Variants in LNPK observed in about 807,000 individuals in gnomAD.
LNPK encodes lunapark, ER junction formation factor.
Under a neutral mutation model 55.2 loss-of-function variants are expected in LNPK, and 29 were observed. The ratio of observed to expected loss-of-function variants is 0.53; its 90% CI spans 0.39 to 0.72. The LOEUF is 0.72. Among genes scored for constraint, LNPK ranks in the 30% least tolerant of loss-of-function variants. The pLI, the probability that LNPK is intolerant of heterozygous loss-of-function variation, is 0.00. For missense variants in LNPK, 467 were observed against 494.8 expected (o/e 0.94, Z 0.53); for synonymous variants, 162 against 168.2 (o/e 0.96, Z 0.29).
At chr2:176,001,792 C>T (rs1574914225) in intron 1 of LNPK, among the ~76,000 whole-genome samples, 2 of 152,126 alleles carry the variant, frequency 1.3e-5, no homozygotes, top group East Asian at 1.9e-4. Context: ...CTTTGCCCCA[C>T]CTGTGTCGAG....
chr2:175,957,729 G>C (rs777350209), intron 8 of LNPK, among the ~76,000 whole-genome samples: 3 of 152,204 alleles, frequency 2.0e-5, no homozygotes, highest in Non-Finnish European at 2.9e-5. Context: ...GCAGCCCACA[G>C]ACGATGAGCT....
chr2:175,938,622 A>T, intron 10 of LNPK: 1 of 299,660 alleles, frequency 3.3e-6, no homozygotes, highest in Admixed American at 5.0e-5. Context: ...ATAAACTAAC[A>T]GTTAAATGAA....
At chr2:175,975,174 T>G (rs1686853387) in intron 5 of LNPK, among the ~76,000 whole-genome samples, 1 of 152,148 alleles carries the variant, frequency 6.6e-6, no homozygotes, top group African/African-American at 2.4e-5. Flanking sequence ...TTAACATTTT[T>G]TAAAACTACA....
rs1685196942 is a variant in LNPK at position 175,947,528 on chromosome 2, C to T, written c.658G>A (p.Val220Met). 1.2e-6 allele frequency: 2 copies of T among 1,613,988 alleles called. No individual in the cohort carries two copies. Among genetic ancestry groups the T allele is most frequent in the Non-Finnish European group, 1.7e-6 (2 of 1,179,972 alleles). The change falls in exon 9 of 13, where the codon GTG (valine) becomes ATG (methionine). Residue 220 changes from valine (V) to methionine (M), a missense_variant. Coordinates refer to ENST00000272748, the MANE Select transcript of LNPK (RefSeq NM_030650.3). ...GGGGATCCAAGATGTCTTGGTAACA[C>T]ATTTGATGATAGGGCTGGAGTAACA... ...RTVTPALSSN[V>M]LPRHLGSPAT...
In LNPK at chr2:175,995,804, C is replaced by CTTTTTTTTTT. The variant is rs10674444; in HGVS notation, c.-62-168_-62-159dup. Among the ~76,000 whole-genome samples, 53 of 66,424 alleles carry CTTTTTTTTTT rather than the reference C, an allele frequency of 8.0e-4. 17 individuals carry two copies. The highest frequency in any genetic ancestry group is 5.0e-3 in the East Asian group (8 of 1,602). 43.6% of individuals were successfully genotyped at this position (66,424 alleles called of 152,430 possible). A position where few individuals can be genotyped will look rare whatever the true frequency, so the allele number is the denominator to read the frequency against. ...AGACAGTTATTGGGATAGAGTCTAC[C>CTTTTTTTTTT]TTTTTTTTTTTTTTTTTTTTTTTTT... On this transcript the variant is annotated intron_variant, in intron 1 of 12. Transcript: ENST00000272748.
At chr2:175,934,431 A>T (rs1304561140) in intron 12 of LNPK, among the ~76,000 whole-genome samples, 1 of 152,196 alleles carries the variant, frequency 6.6e-6, no homozygotes, top group East Asian at 1.9e-4. Context: ...AGATGCCATG[A>T]GTTTTATTAT....
intron 9 of LNPK, among the ~76,000 whole-genome samples, chr2:175,940,274 G>A (rs968631419): frequency 6.6e-6 from 1 of 151,770 alleles, no homozygotes; most frequent in Non-Finnish European, 1.5e-5. Context: ...GACAAAGCCA[G>A]AATTCTGAGA....
At position 175,928,071 on chromosome 2, in the gene LNPK, A is replaced by T. The variant is rs879063562; in HGVS notation, c.*1896T>A. 1 of 152,214 alleles carries T rather than the reference A, an allele frequency of 6.6e-6. No homozygotes were observed. The highest frequency in any genetic ancestry group is 1.5e-5 in the Non-Finnish European group (1 of 68,030). 9.4% of individuals were successfully genotyped at this position (152,214 alleles called of 1,614,324 possible). A position where few individuals can be genotyped will look rare whatever the true frequency, so the allele number is the denominator to read the frequency against. ...CAAAAAACCTGATGAAATTATTTTT[A>T]AAAAGTTTATATTCCACAGAGTTTC... On this transcript the variant is annotated 3_prime_UTR_variant, in exon 13 of 13. Transcript: ENST00000272748.
At position 175,927,827 on chromosome 2, in the gene LNPK, A is replaced by G. The variant is rs1208305365; in HGVS notation, c.*2140T>C. On this transcript the variant is annotated 3_prime_UTR_variant, in exon 13 of 13. Coordinates refer to ENST00000272748, the MANE Select transcript of LNPK (RefSeq NM_030650.3). Reference sequence around the variant, plus strand: ...GCTTTTGTATCTAAAAGGATACTATATGGTTACAAACATGTTACCTATCGC... The same window carrying G: ...GCTTTTGTATCTAAAAGGATACTATGTGGTTACAAACATGTTACCTATCGC... 1.3e-5 allele frequency: 2 copies of G among 152,188 alleles called. No individual in the cohort carries two copies. Among genetic ancestry groups the G allele is most frequent in the Non-Finnish European group, 2.9e-5 (2 of 68,016 alleles). 9.4% of individuals were successfully genotyped at this position (152,188 alleles called of 1,614,324 possible). A position where few individuals can be genotyped will look rare whatever the true frequency, so the allele number is the denominator to read the frequency against.
In LNPK at chr2:175,929,000, C is replaced by T. The variant is rs530182414; in HGVS notation, c.*967G>A. ...GTCTGAATAAAAGTACCATAATTTG[C>T]TCTAAGCAGAATCTACAGATTTATT... On this transcript the variant is annotated 3_prime_UTR_variant, in exon 13 of 13. Coordinates refer to ENST00000272748, the MANE Select transcript of LNPK (RefSeq NM_030650.3). 2.2e-6 allele frequency: 1 copy of T among 449,850 alleles called. No individual in the cohort carries two copies. The highest frequency in any genetic ancestry group is 1.6e-4 in the East Asian group (1 of 6,402). The allele number at this position is 449,850 out of a possible 1,614,324, so 27.9% of individuals were successfully genotyped here.
At chr2:175,977,848 C>T (rs1333096771) in intron 5 of LNPK, among the ~76,000 whole-genome samples, 1 of 151,698 alleles carries the variant, frequency 6.6e-6, no homozygotes, top group Admixed American at 6.6e-5. Flanking sequence ...GAGGTTTTTT[C>T]CCCACATAGT....
At chr2:175,969,109 C>A (rs1459662311) in intron 6 of LNPK, among the ~76,000 whole-genome samples, 1 of 151,676 alleles carries the variant, frequency 6.6e-6, no homozygotes, top group African/African-American at 2.4e-5. Context: ...CAAACTAGTT[C>A]GAGTAGCAAA....
intron 12 of LNPK, 52 bp from the exon 13 acceptor site, chr2:175,930,251 T>A (rs1684204579): frequency 1.4e-6 from 2 of 1,433,772 alleles, no homozygotes; most frequent in Non-Finnish European, 1.9e-6. Context: ...TTAAAACTGC[T>A]AAATAAGGCA....
intron 6 of LNPK, among the ~76,000 whole-genome samples, chr2:175,968,320 A>C (rs966226847): frequency 1.2e-4 from 19 of 152,232 alleles, no homozygotes; most frequent in Non-Finnish European, 1.8e-4. Context: ...AGATTCAGAA[A>C]AACACAGATT....
chr2:175,983,023 A>G (rs1006281329), intron 4 of LNPK, among the ~76,000 whole-genome samples: 1 of 152,220 alleles, frequency 6.6e-6, no homozygotes, highest in Non-Finnish European at 1.5e-5. Flanking sequence ...CACTCTCAAA[A>G]GCAATGGAGA....
chr2:175,986,538 T>C (rs1490963148), intron 4 of LNPK, among the ~76,000 whole-genome samples: 6 of 152,094 alleles, frequency 3.9e-5, no homozygotes, highest in Admixed American at 3.3e-4. Flanking sequence ...AGTGTTATTG[T>C]TTCAACAAAT....
At chr2:175,975,673 T>C (rs945033786) in intron 5 of LNPK, among the ~76,000 whole-genome samples, 3 of 152,232 alleles carry the variant, frequency 2.0e-5, no homozygotes, top group Non-Finnish European at 4.4e-5. Flanking sequence ...TATCAAATAC[T>C]AGGTCTTACT....
At chr2:175,980,905 A>C (rs372511797) in intron 4 of LNPK, among the ~76,000 whole-genome samples, 789 of 70,614 alleles carry the variant, frequency 0.011, 2 homozygotes, top group Admixed American at 0.02. Flanking sequence ...AGACTGTCCC[A>C]AAAAAAAAAA....
At position 176,002,186 on chromosome 2, in the gene LNPK, C is replaced by T. The variant is rs745956591; in HGVS notation, c.-89G>A. ...TGCAAGAAGCGGGCGCAGCCCGGCC[C>T]GGGCGTCCACCCCCGCCAGTCTCGG... On this transcript the variant is annotated 5_prime_UTR_variant, in exon 1 of 13. Coordinates refer to ENST00000272748, the MANE Select transcript of LNPK (RefSeq NM_030650.3). 1.6e-4 allele frequency: 70 copies of T among 445,240 alleles called. No individual in the cohort carries two copies. The Middle Eastern group carries it at 7.1e-3, about 45-fold the overall frequency. 27.6% of individuals were successfully genotyped at this position (445,240 alleles called of 1,614,324 possible).
Sources: allele counts gnomAD v4.1 joint callset (sites outside exome capture counted in the v4.1 genomes callset), GRCh38; gene constraint gnomAD v4.1.1; transcripts MANE v1.5; gene names NCBI Gene and HGNC (gene_info 2026-07-23, HGNC 2026-07-21).